Variants in BIN3 observed in about 807,000 individuals in gnomAD.
BIN3 encodes bridging integrator 3.
A neutral mutation model predicts 38.2 loss-of-function variants in BIN3; 41 were observed. The observed-to-expected ratio is 1.07, with a 90% confidence interval of 0.84 to 1.39. BIN3 has a LOEUF of 1.39. BIN3 is among the 40% of genes most tolerant of loss of function. BIN3 has a pLI of 0.00. For missense variants in BIN3, 361 were observed against 324.3 expected, an observed-to-expected ratio of 1.11 and a Z score of -0.87; for synonymous variants, 145 against 122.6, an observed-to-expected ratio of 1.18 and a Z score of -1.21.
At chr8:22,637,778 C>T (rs73671223) in intron 2 of BIN3, among the ~76,000 whole-genome samples, 1,534 of 152,258 alleles carry the variant, frequency 0.01, 23 homozygotes, top group African/African-American at 0.034. Context: ...AGAGGCCTGC[C>T]CTCCCTGGCC....
intron 1 of BIN3, among the ~76,000 whole-genome samples, chr8:22,666,677 G>T (rs1803432162): frequency 6.6e-6 from 1 of 152,180 alleles, no homozygotes; most frequent in Non-Finnish European, 1.5e-5. Flanking sequence ...CACTCTTCAT[G>T]CAAAGTCCAC....
At chr8:22,657,954 G>A (rs1265710058) in intron 1 of BIN3, among the ~76,000 whole-genome samples, 18 of 152,222 alleles carry the variant, frequency 1.2e-4, no homozygotes, top group Admixed American at 1.2e-3. Flanking sequence ...CAGGGCAGGA[G>A]GCCCAACTGG....
In BIN3 at chr8:22,621,580, G is replaced by T; in HGVS notation, c.616-12C>A. The T allele has an allele frequency of 6.2e-7, 1 of 1,612,914 alleles. No homozygotes were observed. Among genetic ancestry groups the T allele is most frequent in the Non-Finnish European group, 8.5e-7 (1 of 1,179,596 alleles). On this transcript the variant is annotated splice_polypyrimidine_tract_variant and intron_variant, in intron 8 of 8. Transcript: ENST00000276416. ...GAGTAGTACACAACCTGGGGGAGGCGACAGGGGTTGGCACGTGCTGGCTCC... is the reference window on the plus strand; with the variant it reads ...GAGTAGTACACAACCTGGGGGAGGCTACAGGGGTTGGCACGTGCTGGCTCC...
At chr8:22,662,581 T>C (rs1465103628) in intron 1 of BIN3, among the ~76,000 whole-genome samples, 1 of 152,204 alleles carries the variant, frequency 6.6e-6, no homozygotes, top group Non-Finnish European at 1.5e-5. Flanking sequence ...AACAACCAAA[T>C]ACACAAGTAA....
At chr8:22,625,369 G>C (rs1801971917) in intron 6 of BIN3, 2 of 702,592 alleles carry the variant, frequency 2.8e-6, no homozygotes, top group Non-Finnish European at 2.6e-6. Context: ...TCATGACTCT[G>C]TGGCCATTCG....
chr8:22,622,523 G>T (rs1011664705), intron 8 of BIN3: 2 of 152,484 alleles, frequency 1.3e-5, no homozygotes, highest in African/African-American at 2.4e-5. Flanking sequence ...TGTGCGCTGA[G>T]TCACTGGGAA....
Position 22,630,092 on chromosome 8 carries a change from G to T in BIN3, c.298-88C>A, listed in dbSNP as rs532691332. 8 of 1,342,160 alleles carry T rather than the reference G, an allele frequency of 6.0e-6. No individual in the cohort carries two copies. In the African/African-American group the frequency reaches 8.7e-5, roughly 15 times the overall value. The allele number at this position is 1,342,160 out of a possible 1,614,324, so 83.1% of individuals were successfully genotyped here. ...GGGCCCCTAACTACCAAAGGGCTAG[G>T]AAGTCTAAAGGGCCACAGGGTGCTG... is the stretch of plus-strand genomic sequence containing the variant. On this transcript the variant is annotated intron_variant, in intron 5 of 8. Coordinates refer to ENST00000276416, the MANE Select transcript of BIN3 (RefSeq NM_018688.6).
rs762042803 is a variant in BIN3, at chr8:22,630,480, T to C, written c.259A>G (p.Thr87Ala). 1.2e-6 allele frequency: 2 copies of C among 1,614,024 alleles called. No homozygotes were observed. The highest frequency in any genetic ancestry group is 1.7e-6 in the Non-Finnish European group (2 of 1,179,886). ...DLLNMVTALD[T>A]AMKRMDAFNQ... is the part of the protein sequence containing the mutation. ...AAGGCATCCATCCGCTTCATGGCCGTGTCCAGGGCCGTCACCATGTTCAGA... is the reference window on the plus strand; with the variant it reads ...AAGGCATCCATCCGCTTCATGGCCGCGTCCAGGGCCGTCACCATGTTCAGA... Residue 87 changes from threonine to alanine, a missense_variant, in exon 5 of 9, where the codon ACG becomes GCG. Physicochemically the swap from Thr to Ala is moderately conservative, Grantham distance 58. Coordinates refer to ENST00000276416, the MANE Select transcript of BIN3 (RefSeq NM_018688.6).
At position 22,669,053 on chromosome 8, in the gene BIN3, G is replaced by C. The variant is rs775954735; in HGVS notation, c.-2C>G. On this transcript the variant is annotated 5_prime_UTR_variant, in exon 1 of 9. Coordinates refer to ENST00000276416, the MANE Select transcript of BIN3 (RefSeq NM_018688.6). ...CCTGGGCCTCACTCACCAGCTCATG[G>C]TCCCGAACCTGCGTCTGCCGCCGGG... The C allele has an allele frequency of 2.5e-6, 4 of 1,591,008 alleles. No homozygotes were observed. The African/African-American group carries it at 5.4e-5, about 21-fold the overall frequency.
intron 1 of BIN3, among the ~76,000 whole-genome samples, chr8:22,648,732 C>G (rs1802788138): frequency 6.6e-6 from 1 of 152,182 alleles, no homozygotes; most frequent in South Asian, 2.1e-4. Flanking sequence ...AATCCTATTT[C>G]TTATTTATTC....
Position 22,621,257 on chromosome 8 carries a change from G to C in BIN3, c.*165C>G. The stretch of plus-strand genomic sequence containing the variant: ...GAGTGGGGAGACGGCGGCCTGCCTA[G>C]GGCTCCTGGTGCCAGGCTCAGGAAG... On this transcript the variant is annotated 3_prime_UTR_variant, in exon 9 of 9. Transcript: ENST00000276416. 1.1e-6 allele frequency: 1 copy of C among 933,172 alleles called. No individual in the cohort carries two copies. Among genetic ancestry groups the C allele is most frequent in the Non-Finnish European group, 1.6e-6 (1 of 638,104 alleles). The allele number at this position is 933,172 out of a possible 1,614,324, so 57.8% of individuals were successfully genotyped here. A position where few individuals can be genotyped will look rare whatever the true frequency, so the allele number is the denominator to read the frequency against.
intron 1 of BIN3, among the ~76,000 whole-genome samples, chr8:22,663,408 G>C (rs527386579): frequency 1.0e-3 from 143 of 141,202 alleles, no homozygotes; most frequent in African/African-American, 3.7e-3. Flanking sequence ...CTGCACTCCA[G>C]CCTGGGCAAC....
At chr8:22,641,722 T>C (rs893538783) in intron 2 of BIN3, among the ~76,000 whole-genome samples, 1 of 152,196 alleles carries the variant, frequency 6.6e-6, no homozygotes, top group African/African-American at 2.4e-5. Context: ...CTCTTTGCCC[T>C]AACTTTGCAG....
chr8:22,660,089 T>A (rs1184494002), intron 1 of BIN3, among the ~76,000 whole-genome samples: 1 of 152,156 alleles, frequency 6.6e-6, no homozygotes, highest in African/African-American at 2.4e-5. Context: ...CTGCCTAAAT[T>A]TGAGTGGCAA....
Position 22,620,820 on chromosome 8 carries a change from C to A in BIN3, c.*602G>T, listed in dbSNP as rs1801766341. The A allele has an allele frequency of 6.6e-6, 1 of 152,328 alleles. No individual in the cohort carries two copies. Among genetic ancestry groups the A allele is most frequent in the Non-Finnish European group, 1.5e-5 (1 of 68,138 alleles). The allele number at this position is 152,328 out of a possible 1,614,324, so 9.4% of individuals were successfully genotyped here. A position where few individuals can be genotyped will look rare whatever the true frequency, so the allele number is the denominator to read the frequency against. ...ACCTGTGAATTCTTGTGGGACAGTTCCACTGACAGCTTGCGTTCCCGAGGT... is the reference window on the plus strand; with the variant it reads ...ACCTGTGAATTCTTGTGGGACAGTTACACTGACAGCTTGCGTTCCCGAGGT... On this transcript the variant is annotated 3_prime_UTR_variant, in exon 9 of 9. Transcript: ENST00000276416.
chr8:22,641,410 T>A (rs554348602), intron 2 of BIN3, among the ~76,000 whole-genome samples: 225 of 152,162 alleles, frequency 1.5e-3, no homozygotes, highest in African/African-American at 5.0e-3. Flanking sequence ...GGGAACTCAG[T>A]ATGAAGTGAA....
intron 1 of BIN3, among the ~76,000 whole-genome samples, chr8:22,660,627 G>A (rs903174983): frequency 2.0e-4 from 31 of 152,130 alleles, no homozygotes; most frequent in Admixed American, 1.3e-4. Flanking sequence ...GGCGGGGGGC[G>A]CGGGCAAACG....
chr8:22,652,313 TG>T (rs1486265735), intron 1 of BIN3, among the ~76,000 whole-genome samples: 1 of 152,228 alleles, frequency 6.6e-6, no homozygotes, highest in Non-Finnish European at 1.5e-5. Context: ...ACACGAACCA[TG>T]TTTATCTACT....
chr8:22,624,102 C>T (rs537019055), intron 7 of BIN3, 53 bp from the exon 8 acceptor site: 285 of 504,046 alleles, frequency 5.7e-4, no homozygotes, highest in Non-Finnish European at 9.7e-4. Context: ...GTGCCGGATA[C>T]GGGATGGGTG....
Sources: gnomAD v4.1 joint callset for allele counts (sites outside exome capture counted in the v4.1 genomes callset) on GRCh38, gnomAD v4.1.1 for gene constraint, MANE v1.5 for transcripts, NCBI Gene and HGNC (gene_info 2026-07-23, HGNC 2026-07-21) for gene names.